WDR93: variants seen among roughly 807,000 people sequenced by gnomAD.
WDR93 encodes WD repeat domain 93.
In WDR93, 73 loss-of-function variants were observed where a neutral mutation model predicts 82.9. The observed-to-expected ratio is 0.88, with a 90% CI of 0.73 to 1.07. WDR93 has a LOEUF of 1.07. Among genes scored for constraint, WDR93 ranks in the 50% least tolerant of loss-of-function variants. The pLI, the probability that WDR93 is intolerant of heterozygous loss-of-function variation, is 0.00. For synonymous variants in WDR93, 283 were observed against 300.1 expected, an observed-to-expected ratio of 0.94 and a Z score of 0.59; for missense variants, 738 against 826.0, an observed-to-expected ratio of 0.89 and a Z score of 1.31.
At chr15:89,692,412 C>G (rs1331012543) in intron 1 of WDR93, among the ~76,000 whole-genome samples, 1 of 152,156 alleles carries the variant, frequency 6.6e-6, no homozygotes, top group East Asian at 1.9e-4. Context: ...TCTCTAAATA[C>G]GTGGCCCAGG....
intron 1 of WDR93, among the ~76,000 whole-genome samples, chr15:89,694,254 T>C (rs1029930358): frequency 2.0e-5 from 3 of 148,208 alleles, no homozygotes; most frequent in Non-Finnish European, 4.5e-5. Flanking sequence ...ATTTCTTTTT[T>C]TTTTTTTTTT....
intron 10 of WDR93, among the ~76,000 whole-genome samples, chr15:89,729,379 T>A (rs145700275): frequency 2.0e-5 from 3 of 152,146 alleles, no homozygotes; most frequent in Non-Finnish European, 4.4e-5. Context: ...GTTTGTCTTG[T>A]AGAAGATGTT....
At position 89,715,047 on chromosome 15, in the gene WDR93, C is replaced by T; in HGVS notation, c.708C>T (p.His236=). The change falls in exon 6 of 17, where the codon CAC becomes CAT. Residue 236 remains histidine, a synonymous_variant. Coordinates refer to ENST00000268130, the MANE Select transcript of WDR93 (RefSeq NM_020212.2). ...PKETWLKKLE[H]PQLTSNPKKK... is the part of the protein sequence containing the mutation. ...AGACTTGGCTCAAGAAACTAGAGCA[C>T]CCCCAACTCACTTCAAATCCAAAGA... is the stretch of plus-strand genomic sequence containing the variant. The T allele has an allele frequency of 1.2e-6, 2 of 1,614,054 alleles. No individual in the cohort carries two copies. Among genetic ancestry groups the T allele is most frequent in the African/African-American group, 1.3e-5 (1 of 75,024 alleles).
In WDR93 at chr15:89,693,696, A is replaced by G. The variant is rs555369882; in HGVS notation, c.-41+2839A>G. Among the ~76,000 whole-genome samples, 138 of 152,348 alleles carry G rather than the reference A, an allele frequency of 9.1e-4. 1 individual carries two copies. Among genetic ancestry groups the G allele is most frequent in the African/African-American group, 3.2e-3 (134 of 41,584 alleles). ...AGATGGTGGATCCCTGCCATTATCC[A>G]CCAGACCCAGGGTTTCTGTGCTATA... On this transcript the variant is annotated intron_variant, in intron 1 of 16. Transcript: ENST00000268130.
In WDR93 at chr15:89,737,590, G is replaced by T; in HGVS notation, c.1626G>T (p.Lys542Asn). 6.2e-7 allele frequency: 1 copy of T among 1,614,192 alleles called. No individual in the cohort carries two copies. Among genetic ancestry groups the T allele is most frequent in the East Asian group, 2.2e-5 (1 of 44,888 alleles). Residue 542 changes from lysine (K) to asparagine (N), a missense_variant, in exon 15 of 17, where the codon AAG (lysine) becomes AAT (asparagine). Transcript: ENST00000268130. ...ALPGMVLIFS[K>N]NGSVCLMDVA... ...CTTCCCAGGTGCTCATCTTTTCCAA[G>T]AATGGCTCTGTGTGCCTTATGGATG...
chr15:89,707,346 T>G (rs1465327487), intron 4 of WDR93, among the ~76,000 whole-genome samples: 1 of 151,606 alleles, frequency 6.6e-6, no homozygotes, highest in Non-Finnish European at 1.5e-5. Context: ...AGGCCAGGAG[T>G]TTGAGACCAC....
chr15:89,735,146 AC>A (rs1296790655), intron 13 of WDR93, among the ~76,000 whole-genome samples: 1 of 152,160 alleles, frequency 6.6e-6, no homozygotes, highest in East Asian at 1.9e-4. Context: ...TGCTGGGATT[AC>A]AGGTGTGAGC....
chr15:89,733,992 A>AAT (rs369837569), intron 13 of WDR93, among the ~76,000 whole-genome samples: 22 of 149,666 alleles, frequency 1.5e-4, no homozygotes, highest in Middle Eastern at 3.4e-3. Flanking sequence ...GAACCTGTAT[A>AAT]ATGTGTGTGT....
intron 7 of WDR93, among the ~76,000 whole-genome samples, chr15:89,720,551 G>T (rs549742672): frequency 6.6e-6 from 1 of 152,208 alleles, no homozygotes; most frequent in African/African-American, 2.4e-5. Flanking sequence ...AATTATAGGC[G>T]TGAGCCACTG....
At chr15:89,728,923 A>G (rs1966839089) in intron 9 of WDR93, 100 bp from the exon 10 acceptor site, 6 of 1,043,986 alleles carry the variant, frequency 5.7e-6, no homozygotes, top group Non-Finnish European at 9.0e-6. Flanking sequence ...GGGAAGGTCC[A>G]TTCTAACTAT....
upstream of WDR93, chr15:89,690,734 G>A (rs867464790): frequency 1.2e-6 from 1 of 806,490 alleles, no homozygotes; most frequent in South Asian, 1.6e-5. Context: ...TATCCGCTGA[G>A]GGGGAGGGGC....
chr15:89,700,289 A>G (rs1965390331), intron 1 of WDR93, among the ~76,000 whole-genome samples: 1 of 151,964 alleles, frequency 6.6e-6, no homozygotes. Context: ...TCTCCCCACT[A>G]ATTACTTCAG....
chr15:89,710,745 C>A (rs911005086), intron 4 of WDR93, among the ~76,000 whole-genome samples: 1 of 152,080 alleles, frequency 6.6e-6, no homozygotes, highest in Non-Finnish European at 1.5e-5. Flanking sequence ...TCCATTAATT[C>A]ATGATAATAT....
chr15:89,702,167 T>G, intron 2 of WDR93, 118 bp downstream of exon 2: 1 of 1,151,670 alleles, frequency 8.7e-7, no homozygotes, highest in Non-Finnish European at 1.2e-6. Flanking sequence ...GTCAGTGCAT[T>G]TTTGAAAGAT....
At chr15:89,727,789 T>G (rs554313341) in intron 9 of WDR93, among the ~76,000 whole-genome samples, 1 of 152,206 alleles carries the variant, frequency 6.6e-6, no homozygotes, top group African/African-American at 2.4e-5. Context: ...TCTAGTTATC[T>G]AAAAGCACAG....
intron 4 of WDR93, among the ~76,000 whole-genome samples, chr15:89,706,122 A>G (rs906807441): frequency 4.6e-5 from 7 of 152,144 alleles, no homozygotes; most frequent in African/African-American, 1.7e-4. Flanking sequence ...AAGAGAACAC[A>G]GTTTCTACCA....
intron 16 of WDR93, among the ~76,000 whole-genome samples, chr15:89,739,115 CA>C (rs763514909): frequency 0.53 from 67,377 of 127,094 alleles, 16,010 homozygotes; most frequent in South Asian, 0.61. Context: ...GACCCTGCCT[CA>C]AAAAAAAAAA....
chr15:89,707,631 AT>A (rs1965781196), intron 4 of WDR93, among the ~76,000 whole-genome samples: 1 of 152,174 alleles, frequency 6.6e-6, no homozygotes, highest in African/African-American at 2.4e-5. Context: ...AAATAAAAAA[AT>A]AAATAAAAAC....
intron 16 of WDR93, among the ~76,000 whole-genome samples, chr15:89,739,246 C>T (rs1009511874): frequency 1.1e-4 from 16 of 152,160 alleles, no homozygotes; most frequent in African/African-American, 2.7e-4. Context: ...TGAACACAGC[C>T]GTGCCCATTT....
Sources: allele counts gnomAD v4.1 joint callset (sites outside exome capture counted in the v4.1 genomes callset), GRCh38; gene constraint gnomAD v4.1.1; transcripts MANE v1.5; gene names NCBI Gene and HGNC (gene_info 2026-07-23, HGNC 2026-07-21).